Variants in MCCC1 observed in about 807,000 individuals in gnomAD.
MCCC1 encodes methylcrotonyl-CoA carboxylase subunit 1.
In MCCC1, 64 loss-of-function variants were observed where a neutral mutation model predicts 83.8. The ratio of observed to expected loss-of-function variants is 0.76; its 90% CI spans 0.62 to 0.94. The LOEUF (loss-of-function observed/expected upper bound fraction) is 0.94, where lower values mean the gene tolerates loss of function less well. MCCC1 is among the 40% of genes least tolerant of loss of function. MCCC1 has a pLI of 0.00. For missense variants in MCCC1, 807 were observed against 904.7 expected, an observed-to-expected ratio of 0.89 and a Z score of 1.39; for synonymous variants, 322 against 315.4, an observed-to-expected ratio of 1.02 and a Z score of -0.22.
rs111981095 is a variant in MCCC1, at chr3:183,108,628, C to T, written c.-102+6846G>A. ...AACAAGAAGTAATGTTTAAATCTGA[C>T]TGAAGAAAATACTGGGGGGAGGAAG... On this transcript the variant is annotated intron_variant, in intron 1 of 17. Transcript: ENST00000492597. Among the ~76,000 whole-genome samples the T allele has an allele frequency of 7.1e-3, 1,086 of 152,274 alleles. 17 individuals are homozygous for T. Among genetic ancestry groups the T allele is most frequent in the African/African-American group, 0.025 (1,025 of 41,534 alleles).
chr3:183,053,665 T>C (rs562785842), intron 8 of MCCC1, among the ~76,000 whole-genome samples: 8 of 149,378 alleles, frequency 5.4e-5, no homozygotes, highest in South Asian at 2.1e-4. Context: ...ATTAGCCGGG[T>C]GTGGTGGCAG....
intron 8 of MCCC1, among the ~76,000 whole-genome samples, chr3:183,054,434 G>A (rs1166493920): frequency 1.3e-5 from 2 of 151,388 alleles, no homozygotes; most frequent in African/African-American, 2.5e-5. Flanking sequence ...TGATTCACCC[G>A]TCTCGGCCTC....
chr3:183,041,910 C>A (rs549323464), intron 10 of MCCC1, among the ~76,000 whole-genome samples, 160 bp from the exon 11 acceptor site: 1 of 152,050 alleles, frequency 6.6e-6, no homozygotes, highest in East Asian at 1.9e-4. Context: ...GAGTATTGGG[C>A]AAAACAAAAA....
At chr3:183,056,292 A>G (rs1715418959) in intron 8 of MCCC1, among the ~76,000 whole-genome samples, 1 of 152,176 alleles carries the variant, frequency 6.6e-6, no homozygotes, top group South Asian at 2.1e-4. Context: ...ATGGTATAAG[A>G]AAAATGTATT....
chr3:183,052,239 G>A lies in MCCC1; in HGVS notation c.875C>T (p.Pro292Leu). The change falls in exon 9 of 19, where the codon CCT (proline) becomes CTT (leucine). Residue 292 changes from proline (P) to leucine (L), a missense_variant and splice_region_variant. Coordinates refer to ENST00000265594, the MANE Select transcript of MCCC1 (RefSeq NM_020166.5). ...HQKIIEEAPA[P>L]GIKSEVRKKL... ...TTTTCTTACTTCAGATTTAATACCA[G>A]GCTATGAAAAAAATATGTAAATAAA... 1.9e-6 allele frequency: 3 copies of A among 1,613,356 alleles called. No individual in the cohort carries two copies. The highest frequency in any genetic ancestry group is 2.5e-6 in the Non-Finnish European group (3 of 1,179,576).
chr3:183,027,558 G>C (rs561687995), intron 14 of MCCC1, among the ~76,000 whole-genome samples: 1 of 152,296 alleles, frequency 6.6e-6, no homozygotes, highest in South Asian at 2.1e-4. Flanking sequence ...ACTCACGCCT[G>C]TAATCCCAGT....
chr3:183,056,950 C>A (rs576333353), intron 8 of MCCC1, among the ~76,000 whole-genome samples: 1 of 152,236 alleles, frequency 6.6e-6, no homozygotes, highest in East Asian at 1.9e-4. Context: ...CCACCTCGGC[C>A]TCCCAAAGGG....
In MCCC1 at chr3:183,060,104, G is replaced by A. The variant is rs968923129; in HGVS notation, c.762-2682C>T. On this transcript the variant is annotated intron_variant, in intron 7 of 18. Coordinates refer to ENST00000265594, the MANE Select transcript of MCCC1 (RefSeq NM_020166.5). ...CTAATTCTTGTGGTATTCAAATAAC[G>A]TGTTACATCCTTTTAAATTGTCCCA... Among the ~76,000 whole-genome samples the A allele has an allele frequency of 9.9e-5, 15 of 152,140 alleles. No individual in the cohort carries two copies. In the South Asian group the frequency reaches 1.0e-3, roughly 11 times the overall value.
chr3:183,033,941 G>T, intron 14 of MCCC1, 50 bp downstream of exon 14: 1 of 1,378,564 alleles, frequency 7.3e-7, no homozygotes, highest in Non-Finnish European at 1.0e-6. Context: ...TCAGATTAAT[G>T]TGATACATTT....
intron 1 of MCCC1, among the ~76,000 whole-genome samples, chr3:183,106,271 T>G (rs1260119791): frequency 6.6e-6 from 1 of 152,152 alleles, no homozygotes; most frequent in Admixed American, 6.5e-5. Flanking sequence ...ACTCCTCATG[T>G]TTTCCTTTAA....
At chr3:183,104,744 T>C (rs1220542972) in intron 1 of MCCC1, among the ~76,000 whole-genome samples, 1 of 152,124 alleles carries the variant, frequency 6.6e-6, no homozygotes, top group Non-Finnish European at 1.5e-5. Flanking sequence ...AGAAATACAA[T>C]AATAATACAC....
chr3:183,031,085 A>G (rs993478154), intron 14 of MCCC1, among the ~76,000 whole-genome samples: 1 of 152,226 alleles, frequency 6.6e-6, no homozygotes, highest in African/African-American at 2.4e-5. Context: ...CACCTGCAGT[A>G]TTAGGTCAGC....
intron 4 of MCCC1, among the ~76,000 whole-genome samples, chr3:183,083,221 C>A (rs991226147): frequency 1.3e-5 from 2 of 152,178 alleles, no homozygotes; most frequent in Non-Finnish European, 2.9e-5. Flanking sequence ...TAAGTTTCTT[C>A]TTTAAAGTCA....
chr3:183,015,712 G>C (rs935122343), intron 18 of MCCC1, 146 bp from the exon 19 acceptor site: 1 of 965,016 alleles, frequency 1.0e-6, no homozygotes, highest in African/African-American at 1.6e-5. Context: ...ACGCTTTGTT[G>C]TTGTTGTTGT....
intron 13 of MCCC1, among the ~76,000 whole-genome samples, chr3:183,036,840 A>T (rs1713648675): frequency 6.6e-6 from 1 of 151,862 alleles, no homozygotes; most frequent in African/African-American, 2.4e-5. Flanking sequence ...CGCCCAGCTA[A>T]TTTTTTGTAT....
rs1716070720 is a variant in MCCC1 at position 183,064,247 on chromosome 3, C to T, written c.761+6752G>A. 6.9e-6 allele frequency among the ~76,000 whole-genome samples: 1 copy of T among 144,080 alleles called. No individual in the cohort carries two copies. The highest frequency in any genetic ancestry group is 1.5e-5 in the Non-Finnish European group (1 of 65,904). 94.5% of individuals were successfully genotyped at this position (144,080 alleles called of 152,430 possible). On this transcript the variant is annotated intron_variant, in intron 7 of 18. Transcript: ENST00000265594. The surrounding 1 kb of genome is among the most constrained non-coding windows in gnomAD (Gnocchi z 4.5). ...CTCCCTAAAAGGAGAAACTTGAGAG[C>T]TGATGGGACTGCTAGAAAAGATCCC...
intron 4 of MCCC1, among the ~76,000 whole-genome samples, chr3:183,075,337 T>C (rs1716986520): frequency 6.6e-6 from 1 of 152,212 alleles, no homozygotes; most frequent in East Asian, 1.9e-4. Flanking sequence ...ACCAACAGTG[T>C]ATAAGCGTTC....
rs537929112 is a variant in MCCC1 at position 183,049,928 on chromosome 3, T to G, written c.955+2231A>C. Among the ~76,000 whole-genome samples, 5 of 151,710 alleles carry G rather than the reference T, an allele frequency of 3.3e-5. No individual in the cohort carries two copies. The South Asian group carries it at 1.0e-3, about 32-fold the overall frequency. On this transcript the variant is annotated intron_variant, in intron 9 of 18. Coordinates refer to ENST00000265594, the MANE Select transcript of MCCC1 (RefSeq NM_020166.5). ...GAGCTCAGGGGTTTGAGACCAGCCT[T>G]GGCAATACAGGGGGACCCTGTCTCT...
At chr3:183,113,413 T>C (rs1407099026) in intron 1 of MCCC1, among the ~76,000 whole-genome samples, 6 of 55,552 alleles carry the variant, frequency 1.1e-4, no homozygotes, top group Admixed American at 7.6e-4. Context: ...CGGGGACTGT[T>C]GTGGGGTGGG....
Sources: gnomAD v4.1 joint callset for allele counts (sites outside exome capture counted in the v4.1 genomes callset) on GRCh38, gnomAD v4.1.1 for gene constraint, Gnocchi (gnomAD v3.1) non-coding constraint, MANE v1.5 for transcripts, NCBI Gene and HGNC (gene_info 2026-07-23, HGNC 2026-07-21) for gene names.